MGAT5: variants seen among roughly 807,000 people sequenced by gnomAD.
MGAT5 encodes alpha-1,6-mannosylglycoprotein 6-beta-N-acetylglucosaminyltransferase, also known as alpha-1,6-mannosylglycoprotein 6-beta-N-acetylglucosaminyltransferase A.
In MGAT5, 30 loss-of-function variants were observed where a neutral mutation model predicts 94.3. The ratio of observed to expected loss-of-function variants is 0.32; its 90% CI spans 0.24 to 0.43. MGAT5 has a LOEUF of 0.43. MGAT5 is among the 20% of genes least tolerant of loss of function. The pLI, the probability that MGAT5 is intolerant of heterozygous loss-of-function variation, is 1.00. For synonymous variants in MGAT5, 310 were observed against 322.9 expected (o/e 0.96, Z 0.43); for missense variants, 691 against 905.5 (o/e 0.76, Z 3.04).
rs554147395 is a variant in MGAT5, at chr2:134,415,973, A to C, written c.1677+2958A>C. Among the ~76,000 whole-genome samples, 26 of 152,312 alleles carry C rather than the reference A, an allele frequency of 1.7e-4. No homozygotes were observed. The South Asian group carries it at 5.4e-3, about 32-fold the overall frequency. ...TGGTCTGTATGTCTGTTTTTATGCC[A>C]AAATCACCTGTACATTTGAAATTAG... is the stretch of plus-strand genomic sequence containing the variant. On this transcript the variant is annotated intron_variant, in intron 12 of 15. Transcript: ENST00000281923.
intron 14 of MGAT5, among the ~76,000 whole-genome samples, chr2:134,429,881 GTAGT>G (rs1437171407): frequency 6.6e-6 from 1 of 152,176 alleles, no homozygotes; most frequent in East Asian, 1.9e-4. Context: ...CCAGGAGGTG[GTAGT>G]AATAACCCCA....
At chr2:134,297,291 C>G (rs975334684) in intron 2 of MGAT5, among the ~76,000 whole-genome samples, 1 of 151,680 alleles carries the variant, frequency 6.6e-6, no homozygotes, top group African/African-American at 2.4e-5. Flanking sequence ...AACCCATGCT[C>G]AGATGGCTTC....
chr2:134,419,926 C>G (rs1684203620), intron 12 of MGAT5, among the ~76,000 whole-genome samples: 1 of 152,038 alleles, frequency 6.6e-6, no homozygotes, highest in Non-Finnish European at 1.5e-5. Context: ...TTCTCCAGGC[C>G]ACAAAATGAA....
At chr2:134,330,128 ATTGAT>A (rs2105948737) in intron 4 of MGAT5, among the ~76,000 whole-genome samples, 1 of 152,262 alleles carries the variant, frequency 6.6e-6, no homozygotes, top group East Asian at 1.9e-4. Context: ...AGTCAACTGT[ATTGAT>A]TTGATATATG....
chr2:134,374,431 A>C (rs2106170487), intron 10 of MGAT5, among the ~76,000 whole-genome samples: 1 of 152,338 alleles, frequency 6.6e-6, no homozygotes, highest in East Asian at 1.9e-4. Context: ...GTTTTATATA[A>C]AAAACACAGA....
chr2:134,330,554 A>AGAGTGTGTGTGTGTGTGTGTGTGT (rs1553447779), intron 4 of MGAT5, among the ~76,000 whole-genome samples: 1 of 148,494 alleles, frequency 6.7e-6, no homozygotes, highest in Non-Finnish European at 1.5e-5. Context: ...TAAATTGTGT[A>AGAGTGTGTGTGTGTGTGTGTGTGT]GTGTGTGTGT....
chr2:134,336,067 T>G, intron 4 of MGAT5, 150 bp from the exon 5 acceptor site: 1 of 612,572 alleles, frequency 1.6e-6, no homozygotes, highest in Admixed American at 3.2e-5. Context: ...TCTGGAATAC[T>G]AGCTAAAAGC....
intron 1 of MGAT5, among the ~76,000 whole-genome samples, chr2:134,229,503 T>C (rs1476716922): frequency 1.3e-5 from 2 of 152,248 alleles, no homozygotes; most frequent in African/African-American, 4.8e-5. Flanking sequence ...TATTTTATAT[T>C]TGTAAAAGTC....
chr2:134,442,128 T>C (rs1241051194), intron 15 of MGAT5, among the ~76,000 whole-genome samples: 3 of 152,140 alleles, frequency 2.0e-5, no homozygotes, highest in East Asian at 1.9e-4. Flanking sequence ...CCTGGCATGA[T>C]GATGTGTTTA....
chr2:134,392,017 A>G (rs999507345), intron 10 of MGAT5, among the ~76,000 whole-genome samples: 10 of 152,054 alleles, frequency 6.6e-5, no homozygotes, highest in Admixed American at 6.6e-4. Context: ...ACACCTCTCT[A>G]TAGGGTGTGT....
At chr2:134,185,129 G>T (rs568138877) in intron 1 of MGAT5, among the ~76,000 whole-genome samples, 7 of 152,256 alleles carry the variant, frequency 4.6e-5, no homozygotes, top group African/African-American at 1.4e-4. Context: ...GGACTTTGGG[G>T]ACTCTGGGGG....
At chr2:134,347,255 A>G (rs531173774) in intron 8 of MGAT5, among the ~76,000 whole-genome samples, 109 of 152,324 alleles carry the variant, frequency 7.2e-4, no homozygotes, top group African/African-American at 2.4e-3. Flanking sequence ...TAGATAAGCT[A>G]GAAAAGCAAT....
chr2:134,152,719 TGA>T lies in MGAT5; in HGVS notation c.-143+32430_-143+32431del, dbSNP rs1200250596. On this transcript the variant is annotated intron_variant, in intron 1 of 16. Coordinates refer to the MGAT5 transcript ENST00000409645. ...TCTCCAAGTTATGTGCAAATGTGAC[TGA>T]GTTTATCTTCTTAGTTTTAAAAGAA... Among the ~76,000 whole-genome samples, 4 of 152,372 alleles carry T rather than the reference TGA, an allele frequency of 2.6e-5. No homozygotes were observed. In the East Asian group the frequency reaches 7.7e-4, roughly 29 times the overall value.
chr2:134,283,552 G>A (rs1412165599), intron 2 of MGAT5, among the ~76,000 whole-genome samples: 1 of 150,056 alleles, frequency 6.7e-6, no homozygotes, highest in Non-Finnish European at 1.5e-5. Context: ...TTTCAGTCAT[G>A]AAGTCGGTGC....
chr2:134,243,531 C>G (rs940785584), intron 1 of MGAT5, among the ~76,000 whole-genome samples: 1 of 152,162 alleles, frequency 6.6e-6, no homozygotes, highest in Non-Finnish European at 1.5e-5. Context: ...TGATTTCTTC[C>G]CTAAGAAAAT....
chr2:134,255,639 G>A (rs1212184094), intron 1 of MGAT5, among the ~76,000 whole-genome samples: 1 of 152,126 alleles, frequency 6.6e-6, no homozygotes, highest in Non-Finnish European at 1.5e-5. Context: ...ATGACCTGTT[G>A]TTGAGTGACA....
chr2:134,338,569 G>A (rs1688461591), intron 6 of MGAT5, 149 bp downstream of exon 6: 2 of 866,266 alleles, frequency 2.3e-6, no homozygotes, highest in Admixed American at 7.3e-5. Flanking sequence ...CTGTTTTTGG[G>A]TTGTCCTTTC....
chr2:134,386,022 C>T lies in MGAT5; in HGVS notation c.1381-16966C>T, dbSNP rs112197726. 5.0e-3 allele frequency among the ~76,000 whole-genome samples: 758 copies of T among 152,174 alleles called. 11 individuals are homozygous for T. The highest frequency in any genetic ancestry group is 0.017 in the African/African-American group (699 of 41,486). ...AAGATGTAAGAAGCACCTTGTTATC[C>T]GGCGGAACCACAACACAGTAAGCAC... On this transcript the variant is annotated intron_variant, in intron 10 of 15. Coordinates refer to ENST00000281923, the MANE Select transcript of MGAT5 (RefSeq NM_002410.5).
intron 4 of MGAT5, among the ~76,000 whole-genome samples, chr2:134,325,581 T>C (rs1249200502): frequency 6.6e-6 from 1 of 152,150 alleles, no homozygotes. Context: ...TTTTAAAACA[T>C]ACTGTACAAC....
Sources: allele counts gnomAD v4.1 joint callset (sites outside exome capture counted in the v4.1 genomes callset), GRCh38; gene constraint gnomAD v4.1.1; transcripts MANE v1.5; gene names NCBI Gene and HGNC (gene_info 2026-07-23, HGNC 2026-07-21).